The following TTLL7 variants were observed in gnomAD, a reference collection of about 807,000 sequenced individuals.
The protein encoded by TTLL7 is tubulin tyrosine ligase like 7, also known as tubulin polyglutamylase TTLL7.
TTLL7 carries 53 observed loss-of-function variants against 120.2 expected under a neutral mutation model. The ratio of observed to expected loss-of-function variants is 0.44; its 90% CI spans 0.35 to 0.55. TTLL7 has a LOEUF of 0.55. Among genes scored for constraint, TTLL7 ranks in the 20% least tolerant of loss-of-function variants. The pLI, the probability that TTLL7 is intolerant of heterozygous loss-of-function variation, is 0.00. For missense variants in TTLL7, 803 were observed against 1,054.7 expected (o/e 0.76, Z 3.31); for synonymous variants, 353 against 351.7 (o/e 1.00, Z -0.04).
chr1:83,979,318 G>C (rs568862343), intron 1 of TTLL7: 1 of 152,328 alleles, frequency 6.6e-6, no homozygotes, highest in South Asian at 2.1e-4. Context: ...TGCTGAGTCT[G>C]CCTCCGGGTG....
At chr1:83,916,558 T>G (rs1658204944) in intron 14 of TTLL7, among the ~76,000 whole-genome samples, 1 of 151,780 alleles carries the variant, frequency 6.6e-6, no homozygotes, top group African/African-American at 2.4e-5. Flanking sequence ...AGTTAATGGG[T>G]GCAGCACACC....
At chr1:83,949,633 G>T (rs1040854803) in intron 4 of TTLL7, 7 of 450,594 alleles carry the variant, frequency 1.6e-5, no homozygotes, top group African/African-American at 1.0e-4. Flanking sequence ...ACCAGAAGAG[G>T]TTTTTTCTAT....
At chr1:83,915,579 T>C (rs569190581) in intron 14 of TTLL7, among the ~76,000 whole-genome samples, 1 of 152,112 alleles carries the variant, frequency 6.6e-6, no homozygotes, top group Non-Finnish European at 1.5e-5. Flanking sequence ...GACATAGGCA[T>C]GGGCAAGGAC....
rs543235744 is a variant in TTLL7, at chr1:83,865,503, T to C, written c.*4459A>G. 72 of 152,114 alleles carry C rather than the reference T, an allele frequency of 4.7e-4. No individual in the cohort carries two copies. Among genetic ancestry groups the C allele is most frequent in the African/African-American group, 1.6e-3 (67 of 41,542 alleles). The allele number at this position is 152,114 out of a possible 1,614,324, so 9.4% of individuals were successfully genotyped here. A position where few individuals can be genotyped will look rare whatever the true frequency, so the allele number is the denominator to read the frequency against. On this transcript the variant is annotated 3_prime_UTR_variant, in exon 21 of 21. Coordinates refer to ENST00000260505, the MANE Select transcript of TTLL7 (RefSeq NM_024686.6). ...GTAGAATGTGTAACTTGAGTAATTT[T>C]CCCTAATATACGATACATCCCTTTA... is the stretch of plus-strand genomic sequence containing the variant.
intron 18 of TTLL7, among the ~76,000 whole-genome samples, chr1:83,899,399 T>C (rs772416563): frequency 6.6e-6 from 1 of 151,968 alleles, no homozygotes; most frequent in East Asian, 1.9e-4. Flanking sequence ...GGGCTTCCAC[T>C]TCTTTCACAG....
chr1:83,903,808 T>G (rs1313873431), intron 18 of TTLL7, among the ~76,000 whole-genome samples: 1 of 152,084 alleles, frequency 6.6e-6, no homozygotes, highest in Non-Finnish European at 1.5e-5. Context: ...GAAGGCTGAC[T>G]GTACTACCTT....
At position 83,869,489 on chromosome 1, in the gene TTLL7, G is replaced by C. The variant is rs1476183262; in HGVS notation, c.*473C>G. On this transcript the variant is annotated 3_prime_UTR_variant, in exon 21 of 21. Coordinates refer to ENST00000260505, the MANE Select transcript of TTLL7 (RefSeq NM_024686.6). ...CAACACCAGGCTTCTAAATCTTTTTGTTTCATTTAAAATGGCTACTATATA... is the reference window on the plus strand; with the variant it reads ...CAACACCAGGCTTCTAAATCTTTTTCTTTCATTTAAAATGGCTACTATATA... The C allele has an allele frequency of 2.6e-5, 4 of 152,282 alleles. No individual in the cohort carries two copies. In the East Asian group the frequency reaches 5.8e-4, roughly 22 times the overall value. 9.4% of individuals were successfully genotyped at this position (152,282 alleles called of 1,614,324 possible). A position where few individuals can be genotyped will look rare whatever the true frequency, so the allele number is the denominator to read the frequency against.
chr1:83,951,725 A>G (rs940425335), intron 3 of TTLL7, 120 bp downstream of exon 3: 52 of 1,129,762 alleles, frequency 4.6e-5, no homozygotes, highest in Non-Finnish European at 6.4e-5. Flanking sequence ...TATAGAAGGC[A>G]TTTAAAAATC....
At chr1:83,917,763 A>C in intron 13 of TTLL7, 73 bp from the exon 14 acceptor site, 2 of 955,934 alleles carry the variant, frequency 2.1e-6, no homozygotes, top group Non-Finnish European at 3.3e-6. Flanking sequence ...ATTAATCTCC[A>C]CAAAATAATG....
chr1:83,901,697 A>G (rs770587002), intron 18 of TTLL7, among the ~76,000 whole-genome samples: 16 of 151,916 alleles, frequency 1.1e-4, no homozygotes, highest in Non-Finnish European at 1.3e-4. Context: ...AGTGTACTCT[A>G]CGTGGCACAT....
Position 83,999,024 on chromosome 1 carries a change from G to A in TTLL7, c.-270C>T, listed in dbSNP as rs1571438615. 2.3e-6 allele frequency: 1 copy of A among 444,364 alleles called. No homozygotes were observed. 27.5% of individuals were successfully genotyped at this position (444,364 alleles called of 1,614,324 possible). A position where few individuals can be genotyped will look rare whatever the true frequency, so the allele number is the denominator to read the frequency against. On this transcript the variant is annotated 5_prime_UTR_variant, in exon 1 of 21. Transcript: ENST00000260505. ...CCTCGCAGCTTCCCCGTGGGCGGCCGCCCCGACTCGGCAGCCTGCACTGGT... is the reference window on the plus strand; with the variant it reads ...CCTCGCAGCTTCCCCGTGGGCGGCCACCCCGACTCGGCAGCCTGCACTGGT...
At chr1:83,903,872 C>T (rs1161834313) in intron 18 of TTLL7, among the ~76,000 whole-genome samples, 1 of 151,944 alleles carries the variant, frequency 6.6e-6, no homozygotes, top group Non-Finnish European at 1.5e-5. Context: ...AATGTAAGTT[C>T]TATGAAAGCA....
intron 19 of TTLL7, 79 bp downstream of exon 19, chr1:83,890,242 A>G: frequency 7.3e-7 from 1 of 1,374,018 alleles, no homozygotes; most frequent in Non-Finnish European, 9.9e-7. Flanking sequence ...AGATCATTCA[A>G]GCATTTTATT....
In TTLL7 at chr1:83,937,954, C is replaced by A. The variant is rs769557320; in HGVS notation, c.786G>T (p.Arg262=). 18 of 1,613,872 alleles carry A rather than the reference C, an allele frequency of 1.1e-5. No homozygotes were observed. In the Middle Eastern group the frequency reaches 8.2e-4, roughly 74 times the overall value. Residue 262 remains arginine (R), a synonymous_variant, in exon 8 of 21, where the codon CGG becomes CGT. Coordinates refer to ENST00000260505, the MANE Select transcript of TTLL7 (RefSeq NM_024686.6). ...TGCTGCCTTTGTTCTCAGTTTCATC[C>A]CGTTCAAAATGCTCATTATGCTTGT... ...SVNKHNEHFE[R]DETENKGSKR... is the part of the protein sequence containing the mutation.
chr1:83,933,515 T>C (rs1187998046), intron 9 of TTLL7, 93 bp downstream of exon 9: 2 of 1,331,610 alleles, frequency 1.5e-6, no homozygotes, highest in Middle Eastern at 5.0e-4. Context: ...GGACAGTTAA[T>C]GGGACAACTG....
chr1:83,908,364 G>T (rs1364668915), intron 15 of TTLL7, among the ~76,000 whole-genome samples: 1 of 152,018 alleles, frequency 6.6e-6, no homozygotes, highest in Non-Finnish European at 1.5e-5. Context: ...AAAATATGCA[G>T]ATTATCCTAA....
intron 17 of TTLL7, among the ~76,000 whole-genome samples, chr1:83,904,941 T>C (rs1657055918): frequency 6.6e-6 from 1 of 151,956 alleles, no homozygotes; most frequent in Non-Finnish European, 1.5e-5. Flanking sequence ...CTGCTATAAA[T>C]ATTCATTATA....
intron 10 of TTLL7, among the ~76,000 whole-genome samples, chr1:83,921,826 TCTC>T (rs931203181): frequency 1.3e-5 from 2 of 152,068 alleles, no homozygotes; most frequent in African/African-American, 2.4e-5. Context: ...ATGGTTCTCT[TCTC>T]CTTCTTCAAC....
intron 20 of TTLL7, among the ~76,000 whole-genome samples, chr1:83,882,212 C>T (rs960896041): frequency 3.3e-5 from 5 of 150,560 alleles, no homozygotes; most frequent in African/African-American, 1.2e-4. Flanking sequence ...ACATTGTGCA[C>T]ATTTACCCTA....
Sources: allele counts gnomAD v4.1 joint callset (sites outside exome capture counted in the v4.1 genomes callset), GRCh38; gene constraint gnomAD v4.1.1; transcripts MANE v1.5; gene names NCBI Gene and HGNC (gene_info 2026-07-23, HGNC 2026-07-21).